Variants in ASIC2 observed in about 807,000 individuals in gnomAD.
ASIC2 encodes acid-sensing ion channel 2.
In ASIC2, 25 loss-of-function variants were observed where a neutral mutation model predicts 57.3. The ratio of observed to expected loss-of-function variants is 0.44; its 90% CI spans 0.32 to 0.61. The LOEUF is 0.61. Among genes scored for constraint, ASIC2 ranks in the 20% least tolerant of loss-of-function variants. The pLI is 0.06. For synonymous variants in ASIC2, 319 were observed against 307.5 expected, an observed-to-expected ratio of 1.04 and a Z score of -0.39; for missense variants, 641 against 738.1, an observed-to-expected ratio of 0.87 and a Z score of 1.52.
At chr17:33,791,777 A>C (rs922889711) in intron 1 of ASIC2, 2 of 152,062 alleles carry the variant, frequency 1.3e-5, no homozygotes, top group African/African-American at 4.8e-5. Context: ...AATAGTTCAT[A>C]AATGGCTTTT....
chr17:33,239,204 T>C (rs570838379), intron 1 of ASIC2, among the ~76,000 whole-genome samples: 4 of 151,982 alleles, frequency 2.6e-5, no homozygotes, highest in African/African-American at 9.7e-5. Flanking sequence ...GGCAAGATAA[T>C]TGCTTGAACC....
chr17:33,271,974 T>C (rs4525541), intron 1 of ASIC2, among the ~76,000 whole-genome samples: 3 of 152,236 alleles, frequency 2.0e-5, no homozygotes, highest in Non-Finnish European at 4.4e-5. Context: ...GCTCAAGACA[T>C]ACAGGCCTTC....
chr17:33,888,561 A>G (rs1288097947), intron 1 of ASIC2, among the ~76,000 whole-genome samples: 1 of 152,124 alleles, frequency 6.6e-6, no homozygotes, highest in Non-Finnish European at 1.5e-5. Flanking sequence ...GGTGAAGACC[A>G]GAAGGGGAGA....
At chr17:34,113,779 G>A (rs1911350001) in intron 1 of ASIC2, among the ~76,000 whole-genome samples, 1 of 152,106 alleles carries the variant, frequency 6.6e-6, no homozygotes, top group South Asian at 2.1e-4. Flanking sequence ...GGAGACTGAG[G>A]CAGGAGAATC....
chr17:33,533,818 C>T (rs972404082), intron 1 of ASIC2: 1 of 152,140 alleles, frequency 6.6e-6, no homozygotes, highest in Non-Finnish European at 1.5e-5. Flanking sequence ...TCTAAACCCA[C>T]TTGTCAGCTT....
At chr17:33,692,741 G>A (rs764679565) in intron 1 of ASIC2, among the ~76,000 whole-genome samples, 7 of 152,092 alleles carry the variant, frequency 4.6e-5, no homozygotes, top group South Asian at 4.1e-4. Context: ...AGTGCAGTAC[G>A]TTTATTTACA....
chr17:33,478,994 T>C (rs1237476746), intron 1 of ASIC2, among the ~76,000 whole-genome samples: 1 of 151,570 alleles, frequency 6.6e-6, no homozygotes, highest in Non-Finnish European at 1.5e-5. Context: ...CTTCCAGGAG[T>C]TTTATTTTAT....
At chr17:33,851,249 G>C (rs1913755759) in intron 1 of ASIC2, among the ~76,000 whole-genome samples, 1 of 152,058 alleles carries the variant, frequency 6.6e-6, no homozygotes, top group Non-Finnish European at 1.5e-5. Flanking sequence ...ATCCCACCAG[G>C]GGAGGGCCCT....
chr17:33,528,186 G>GTGTGTGTGTGTGTGTGTGTGTGTGT, intron 1 of ASIC2, among the ~76,000 whole-genome samples: 17 of 151,718 alleles, frequency 1.1e-4, no homozygotes, highest in South Asian at 2.1e-4. Context: ...GTGTGTGTGT[G>GTGTGTGTGTGTGTGTGTGTGTGTGT]GTTTCCAGCT....
upstream of ASIC2, among the ~76,000 whole-genome samples, chr17:33,296,035 CA>C (rs1336540386): frequency 1.3e-5 from 2 of 151,868 alleles, no homozygotes; most frequent in Non-Finnish European, 2.9e-5. Context: ...GATTTGAATC[CA>C]ACTCTAACTC....
chr17:33,882,063 A>G (rs1914713945), intron 1 of ASIC2, among the ~76,000 whole-genome samples: 1 of 152,250 alleles, frequency 6.6e-6, no homozygotes, highest in Admixed American at 6.5e-5. Flanking sequence ...CCATATGTAG[A>G]AAGCTGAAAC....
At chr17:33,987,113 C>A (rs964880206) in intron 1 of ASIC2, among the ~76,000 whole-genome samples, 1 of 152,144 alleles carries the variant, frequency 6.6e-6, no homozygotes, top group Non-Finnish European at 1.5e-5. Flanking sequence ...GAAGCTAAGG[C>A]AATTAAAAAG....
At chr17:33,547,397 AT>A (rs1320429063) in intron 1 of ASIC2, among the ~76,000 whole-genome samples, 5 of 152,180 alleles carry the variant, frequency 3.3e-5, no homozygotes, top group Non-Finnish European at 7.4e-5. Flanking sequence ...TCAAAGCACT[AT>A]CCCAGCTATT....
chr17:33,117,241 C>G (rs564801259), intron 1 of ASIC2, among the ~76,000 whole-genome samples: 1 of 151,922 alleles, frequency 6.6e-6, no homozygotes, highest in Non-Finnish European at 1.5e-5. Context: ...GGCATGATCT[C>G]GGCTCACTAC....
chr17:33,602,553 A>G (rs1905137152), intron 1 of ASIC2, among the ~76,000 whole-genome samples: 1 of 152,208 alleles, frequency 6.6e-6, no homozygotes, highest in Admixed American at 6.5e-5. Context: ...GTTTCTGTTC[A>G]TCATAAATTA....
At chr17:33,833,008 C>G (rs79272144) in intron 1 of ASIC2, among the ~76,000 whole-genome samples, 175 of 152,154 alleles carry the variant, frequency 1.2e-3, no homozygotes, top group African/African-American at 3.9e-3. Context: ...TGTGTAACAA[C>G]ATAGATAGAT....
chr17:33,583,375 C>T (rs562808933), intron 1 of ASIC2, among the ~76,000 whole-genome samples: 8 of 152,170 alleles, frequency 5.3e-5, no homozygotes, highest in African/African-American at 1.2e-4. Context: ...TTACTTACTG[C>T]GGACTTAGAA....
chr17:33,062,548 CT>C (rs1351010778), intron 3 of ASIC2, among the ~76,000 whole-genome samples: 1 of 152,178 alleles, frequency 6.6e-6, no homozygotes, highest in Non-Finnish European at 1.5e-5. Context: ...AATTTCTGTT[CT>C]TTTACACTTG....
chr17:33,091,382 C>T (rs1280558181), intron 2 of ASIC2, among the ~76,000 whole-genome samples: 1 of 152,166 alleles, frequency 6.6e-6, no homozygotes, highest in Non-Finnish European at 1.5e-5. Flanking sequence ...GAACTGAAGG[C>T]TCCTTCAGTG....
Sources: gnomAD v4.1 joint callset for allele counts (sites outside exome capture counted in the v4.1 genomes callset) on GRCh38, gnomAD v4.1.1 for gene constraint, MANE v1.5 for transcripts, NCBI Gene and HGNC (gene_info 2026-07-23, HGNC 2026-07-21) for gene names.